The following ZNF592 variants were observed in gnomAD, a reference collection of about 807,000 sequenced individuals.
ZNF592 encodes spinocerebellar ataxia, autosomal recessive 5.
Under a neutral mutation model 80.3 loss-of-function variants are expected in ZNF592, and 11 were observed. The observed-to-expected ratio is 0.14, with a 90% CI of 0.09 to 0.23. The LOEUF is 0.23. Ranked by LOEUF, ZNF592 falls within the 10% of genes least tolerant of loss-of-function variation. The pLI is 1.00. For synonymous variants in ZNF592, 646 were observed against 640.3 expected, an observed-to-expected ratio of 1.01 and a Z score of -0.13; for missense variants, 1,420 against 1,633.9, an observed-to-expected ratio of 0.87 and a Z score of 2.26.
Position 84,777,694 on chromosome 15 carries a change from C to CCTTTTTTTTTTTTTT in ZNF592, c.-149-489_-149-488insCTTTTTTTTTTTTTT, listed in dbSNP as rs1432630650. Reference sequence around the variant, plus strand: ...GAAAATAATTTCGTCTGTTGAGATACTTTTTTTTTTTTTTTTTTTTTTTGA... The same window carrying CCTTTTTTTTTTTTTT: ...GAAAATAATTTCGTCTGTTGAGATACCTTTTTTTTTTTTTTTTTTTTTTTTTTTTTTTTTTTTTGA... On this transcript the variant is annotated intron_variant, in intron 2 of 10. Coordinates refer to ENST00000560079, the MANE Select transcript of ZNF592 (RefSeq NM_014630.3). Among the ~76,000 whole-genome samples the CCTTTTTTTTTTTTTT allele has an allele frequency of 2.0e-5, 2 of 98,414 alleles. 1 individual carries two copies. The allele number at this position is 98,414 out of a possible 152,430, so 64.6% of individuals were successfully genotyped here.
intron 1 of ZNF592, among the ~76,000 whole-genome samples, chr15:84,755,092 G>A (rs142331624): frequency 1.7e-3 from 260 of 149,672 alleles, no homozygotes; most frequent in African/African-American, 6.1e-3. Context: ...GGAGTAGCTG[G>A]GACTACAGGC....
At chr15:84,770,974 G>C (rs958418698) in intron 2 of ZNF592, among the ~76,000 whole-genome samples, 1 of 152,090 alleles carries the variant, frequency 6.6e-6, no homozygotes, top group Admixed American at 6.5e-5. Context: ...CAGGGGGAGA[G>C]GAGAAGCTGC....
chr15:84,799,737 C>G lies in ZNF592; in HGVS notation c.3138-105C>G. On this transcript the variant is annotated intron_variant, in intron 9 of 10. Coordinates refer to ENST00000560079, the MANE Select transcript of ZNF592 (RefSeq NM_014630.3). This position sits in a 1 kb window ranked among gnomAD's most constrained non-coding sequence, Gnocchi z 4.2. ...TCTGGGGTTCCCAGCACTAGCCAGC[C>G]CAGGAGTCTGCTCCAGACTCCCTCC... The G allele has an allele frequency of 6.4e-7, 1 of 1,561,336 alleles. No individual in the cohort carries two copies. The highest frequency in any genetic ancestry group is 8.7e-7 in the Non-Finnish European group (1 of 1,145,182).
rs144636976 is a variant in ZNF592, at chr15:84,754,057, T to TTG, written c.-259+5407_-259+5408dup. On this transcript the variant is annotated intron_variant, in intron 1 of 10. Coordinates refer to ENST00000560079, the MANE Select transcript of ZNF592 (RefSeq NM_014630.3). ...TTGCTTTTGTTTAACAGCAGGGGAA[T>TTG]TGTGTGTGTGTGTGTTTGTTGAAAT... Among the ~76,000 whole-genome samples the TTG allele has an allele frequency of 3.3e-5, 5 of 152,018 alleles. No homozygotes were observed. In the East Asian group the frequency reaches 5.8e-4, roughly 18 times the overall value.
intron 4 of ZNF592, among the ~76,000 whole-genome samples, chr15:84,786,167 G>C (rs1203268648): frequency 6.6e-6 from 1 of 152,150 alleles, no homozygotes; most frequent in Non-Finnish European, 1.5e-5. Flanking sequence ...TGCCAACCAG[G>C]GGATGCCGGC....
At chr15:84,773,240 C>G (rs1421468950) in intron 2 of ZNF592, among the ~76,000 whole-genome samples, 2 of 138,076 alleles carry the variant, frequency 1.4e-5, no homozygotes, top group Middle Eastern at 5.3e-3. Flanking sequence ...GAGACGGAGT[C>G]TCGCTCTGTC....
chr15:84,763,442 TCATTGGAG>T (rs1439984953), intron 1 of ZNF592, among the ~76,000 whole-genome samples: 2 of 152,178 alleles, frequency 1.3e-5, no homozygotes, highest in East Asian at 3.9e-4. Context: ...CCTAGTATAC[TCATTGGAG>T]CACCTCCCAA....
rs1429669318 is a variant in ZNF592 at position 84,803,074 on chromosome 15, G to A, written c.*681G>A. On this transcript the variant is annotated 3_prime_UTR_variant, in exon 11 of 11. Transcript: ENST00000560079. Reference sequence around the variant, plus strand: ...AGAGCAGGAGGTAAGGCAAAGGCAGGCAGGCACCAAGAACCAGACCCCTTG... The same window carrying A: ...AGAGCAGGAGGTAAGGCAAAGGCAGACAGGCACCAAGAACCAGACCCCTTG... 6.6e-6 allele frequency: 1 copy of A among 152,468 alleles called. No individual in the cohort carries two copies. Among genetic ancestry groups the A allele is most frequent in the Non-Finnish European group, 1.5e-5 (1 of 68,230 alleles). The allele number at this position is 152,468 out of a possible 1,614,324, so 9.4% of individuals were successfully genotyped here.
intron 5 of ZNF592, among the ~76,000 whole-genome samples, chr15:84,795,825 T>A (rs922658683): frequency 6.6e-6 from 1 of 152,134 alleles, no homozygotes; most frequent in Non-Finnish European, 1.5e-5. Flanking sequence ...AGCTTTCTGG[T>A]TCCGTGGGCT....
chr15:84,752,009 A>C (rs546327588), intron 1 of ZNF592, among the ~76,000 whole-genome samples: 1 of 151,638 alleles, frequency 6.6e-6, no homozygotes, highest in African/African-American at 2.4e-5. Context: ...TGATCCTCCC[A>C]CCTCCACCTC....
Position 84,789,156 on chromosome 15 carries a change from G to A in ZNF592, c.2221-1549G>A, listed in dbSNP as rs140935267. On this transcript the variant is annotated intron_variant, in intron 4 of 10. Coordinates refer to ENST00000560079, the MANE Select transcript of ZNF592 (RefSeq NM_014630.3). ...CCAGCTACTCAGGAGGCTGAGGCAG[G>A]AGAATTGCTTGAGCCTGGGAGGTGG... Among the ~76,000 whole-genome samples the A allele has an allele frequency of 7.0e-3, 1,070 of 152,120 alleles. 9 individuals are homozygous for A. The highest frequency in any genetic ancestry group is 0.011 in the Non-Finnish European group (714 of 67,968).
At position 84,778,326 on chromosome 15, in the gene ZNF592, G is replaced by T; in HGVS notation, c.-20+14G>T. 4.3e-6 allele frequency: 1 copy of T among 230,784 alleles called. No homozygotes were observed. Among genetic ancestry groups the T allele is most frequent in the Non-Finnish European group, 8.6e-6 (1 of 116,212 alleles). The allele number at this position is 230,784 out of a possible 1,614,324, so 14.3% of individuals were successfully genotyped here. A position where few individuals can be genotyped will look rare whatever the true frequency, so the allele number is the denominator to read the frequency against. ...GATACCAGTCAGGTACACATGCAGA[G>T]GCTGGAGGAGGCGGTGTTTGATTTG... On this transcript the variant is annotated intron_variant, in intron 3 of 10. Transcript: ENST00000560079.
At chr15:84,751,261 G>A (rs1158267331) in intron 1 of ZNF592, among the ~76,000 whole-genome samples, 1 of 152,226 alleles carries the variant, frequency 6.6e-6, no homozygotes, top group Non-Finnish European at 1.5e-5. Context: ...CTAAGAAAAA[G>A]AGGTTATCAT....
Position 84,799,095 on chromosome 15 carries a change from T to C in ZNF592, c.3025-3T>C, listed in dbSNP as rs112444141. 1 of 1,614,128 alleles carries C rather than the reference T, an allele frequency of 6.2e-7. No homozygotes were observed. Among genetic ancestry groups the C allele is most frequent in the Non-Finnish European group, 8.5e-7 (1 of 1,179,992 alleles). ...CTTTGTGTGTTGCCACCTCCTTCCT[T>C]AGACATTGAAGCGGTACCCATGCCG... On this transcript the variant is annotated splice_region_variant and splice_polypyrimidine_tract_variant and intron_variant, in intron 8 of 10. Coordinates refer to ENST00000560079, the MANE Select transcript of ZNF592 (RefSeq NM_014630.3). The surrounding 1 kb of genome is among the most constrained non-coding windows in gnomAD (Gnocchi z 4.2).
In ZNF592 at chr15:84,783,586, A is replaced by C; in HGVS notation, c.911A>C (p.Gln304Pro). The change falls in exon 4 of 11, where the codon CAG becomes CCG. Residue 304 changes from glutamine (Q) to proline (P), a missense_variant. By Grantham distance (76) the Gln-to-Pro change is moderately conservative (BLOSUM62 -1). Coordinates refer to ENST00000560079, the MANE Select transcript of ZNF592 (RefSeq NM_014630.3). The surrounding 1 kb of genome is among the most constrained non-coding windows in gnomAD (Gnocchi z 5.0). ...GTGGCTAGTGTCACTAAGGAGGATC[A>C]GCCTGGCCACACAAAGGATCTCTCA... ...KRVASVTKED[Q>P]PGHTKDLSGP... 1 of 1,614,240 alleles carries C rather than the reference A, an allele frequency of 6.2e-7. No homozygotes were observed. Among genetic ancestry groups the C allele is most frequent in the Non-Finnish European group, 8.5e-7 (1 of 1,180,054 alleles).
chr15:84,757,823 T>C (rs902816090), intron 1 of ZNF592, among the ~76,000 whole-genome samples: 1 of 150,844 alleles, frequency 6.6e-6, no homozygotes, highest in Non-Finnish European at 1.5e-5. Flanking sequence ...CATGTCTGGC[T>C]TTTTCTTTTT....
At chr15:84,800,957 A>G (rs1332452527) in intron 10 of ZNF592, among the ~76,000 whole-genome samples, 1 of 152,220 alleles carries the variant, frequency 6.6e-6, no homozygotes, top group African/African-American at 2.4e-5. Context: ...ATGTTCTCCC[A>G]TGGAAACATG....
chr15:84,749,018 G>C (rs972660706), intron 1 of ZNF592, among the ~76,000 whole-genome samples: 1 of 152,142 alleles, frequency 6.6e-6, no homozygotes, highest in African/African-American at 2.4e-5. Flanking sequence ...GCCCGGGCAC[G>C]GATAACGGTG....
intron 1 of ZNF592, among the ~76,000 whole-genome samples, chr15:84,761,883 G>A (rs1229366070): frequency 1.3e-5 from 2 of 152,140 alleles, no homozygotes; most frequent in South Asian, 2.1e-4. Context: ...TGTCTTTGAC[G>A]AACAAACCCA....
Sources: allele counts gnomAD v4.1 joint callset (sites outside exome capture counted in the v4.1 genomes callset), GRCh38; gene constraint gnomAD v4.1.1; non-coding constraint Gnocchi (gnomAD v3.1); transcripts MANE v1.5; gene names NCBI Gene and HGNC (gene_info 2026-07-23, HGNC 2026-07-21).